Variants in PARD3B observed in about 807,000 individuals in gnomAD.
PARD3B encodes par-3 family cell polarity regulator beta.
In PARD3B, 103 loss-of-function variants were observed where a neutral mutation model predicts 130.2. That is an observed-to-expected ratio of 0.79 (90% CI 0.67 to 0.93). The LOEUF is 0.93. PARD3B is among the 40% of genes least tolerant of loss of function. PARD3B has a pLI of 0.00. For synonymous variants in PARD3B, 583 were observed against 553.2 expected, an observed-to-expected ratio of 1.05 and a Z score of -0.76; for missense variants, 1,609 against 1,499.2, an observed-to-expected ratio of 1.07 and a Z score of -1.21.
chr2:205,619,118 T>C lies in PARD3B; in HGVS notation c.*3305T>C, dbSNP rs920426437. On this transcript the variant is annotated 3_prime_UTR_variant, in exon 23 of 23. Coordinates refer to ENST00000406610, the MANE Select transcript of PARD3B (RefSeq NM_001302769.2). ...ATAGTTTTCCACCAAGTCAATCAAA[T>C]TAAAACATGACTCATTGTCCCCTCC... 1.3e-5 allele frequency: 2 copies of C among 152,084 alleles called. No individual in the cohort carries two copies. Among genetic ancestry groups the C allele is most frequent in the African/African-American group, 4.8e-5 (2 of 41,406 alleles). 9.4% of individuals were successfully genotyped at this position (152,084 alleles called of 1,614,324 possible).
rs554383029 is a variant in PARD3B at position 204,990,844 on chromosome 2, G to T, written c.394+25521G>T. On this transcript the variant is annotated intron_variant, in intron 3 of 22. Transcript: ENST00000406610. The stretch of plus-strand genomic sequence containing the variant: ...CTTTATATAAAAGTTTCATAATTTT[G>T]TCTGTTTAAAAGTTTACTTTACATA... 3.2e-3 allele frequency among the ~76,000 whole-genome samples: 481 copies of T among 152,158 alleles called. 6 individuals carry two copies. Among genetic ancestry groups the T allele is most frequent in the African/African-American group, 0.011 (453 of 41,536 alleles).
intron 19 of PARD3B, among the ~76,000 whole-genome samples, chr2:205,409,886 T>C (rs951808158): frequency 6.6e-6 from 1 of 152,188 alleles, no homozygotes; most frequent in African/African-American, 2.4e-5. Context: ...GTATCTGACC[T>C]GATAAAAATG....
chr2:205,533,711 T>A (rs1454301834), intron 21 of PARD3B, among the ~76,000 whole-genome samples: 1 of 151,934 alleles, frequency 6.6e-6, no homozygotes. Flanking sequence ...TAACATTCAA[T>A]GGTTTTGGGG....
intron 2 of PARD3B, among the ~76,000 whole-genome samples, chr2:204,913,607 CTT>C (rs1406156897): frequency 2.0e-5 from 3 of 152,116 alleles, no homozygotes; most frequent in Non-Finnish European, 2.9e-5. Flanking sequence ...GATGTCATAT[CTT>C]TGCAAAGCTG....
At chr2:205,284,997 T>TG (rs911560840) in intron 16 of PARD3B, among the ~76,000 whole-genome samples, 22 of 151,486 alleles carry the variant, frequency 1.5e-4, no homozygotes, top group South Asian at 6.3e-4. Context: ...AAAACAGTTT[T>TG]TTTTTTTTTT....
At chr2:205,047,387 A>G (rs1187897427) in intron 3 of PARD3B, among the ~76,000 whole-genome samples, 194 bp from the exon 4 acceptor site, 4 of 152,216 alleles carry the variant, frequency 2.6e-5, no homozygotes, top group Non-Finnish European at 4.4e-5. Context: ...GAGTTGAAAG[A>G]TTTTGTTTCC....
chr2:204,928,315 G>A (rs796419729), intron 2 of PARD3B, among the ~76,000 whole-genome samples: 16 of 152,040 alleles, frequency 1.1e-4, no homozygotes, highest in African/African-American at 3.9e-4. Context: ...GTTTAGAATG[G>A]CACAATATCA....
rs144133039 is a variant in PARD3B at position 204,727,032 on chromosome 2, C to G, written c.222+40750C>G. On this transcript the variant is annotated intron_variant, in intron 2 of 22. Coordinates refer to ENST00000406610, the MANE Select transcript of PARD3B (RefSeq NM_001302769.2). Reference sequence around the variant, plus strand: ...CCTGCACGTTCTGCTGTTCACATTTCTGACCTTTGATTCATTGAAACTCTT... The same window carrying G: ...CCTGCACGTTCTGCTGTTCACATTTGTGACCTTTGATTCATTGAAACTCTT... Among the ~76,000 whole-genome samples the G allele has an allele frequency of 9.2e-5, 14 of 152,274 alleles. No homozygotes were observed. The East Asian group carries it at 2.7e-3, about 29-fold the overall frequency.
intron 19 of PARD3B, among the ~76,000 whole-genome samples, chr2:205,431,713 C>T (rs1249249484): frequency 6.6e-6 from 1 of 152,106 alleles, no homozygotes; most frequent in South Asian, 2.1e-4. Context: ...TCGTGATCTG[C>T]CCACCTCGGC....
At chr2:204,957,768 C>A (rs1410279487) in intron 2 of PARD3B, among the ~76,000 whole-genome samples, 1 of 152,120 alleles carries the variant, frequency 6.6e-6, no homozygotes, top group African/African-American at 2.4e-5. Flanking sequence ...TGAAATTCTG[C>A]AGTTTCACTC....
At chr2:204,829,781 C>T (rs1159017755) in intron 2 of PARD3B, among the ~76,000 whole-genome samples, 6 of 151,938 alleles carry the variant, frequency 3.9e-5, no homozygotes, top group Non-Finnish European at 5.9e-5. Flanking sequence ...GGGCGGATCA[C>T]GAGGTCAGGA....
At chr2:204,553,695 T>TATAC (rs1372888110) in intron 1 of PARD3B, among the ~76,000 whole-genome samples, 58 of 90,646 alleles carry the variant, frequency 6.4e-4, no homozygotes, top group African/African-American at 1.6e-3. Context: ...TATATATATA[T>TATAC]ACACACATAT....
chr2:205,317,827 C>T (rs1429611010), intron 18 of PARD3B, among the ~76,000 whole-genome samples: 1 of 152,086 alleles, frequency 6.6e-6, no homozygotes, highest in Non-Finnish European at 1.5e-5. Context: ...GTGAACTTTT[C>T]TGTTATCTGA....
Position 205,380,408 on chromosome 2 carries a change from A to ATATATAAAGAATATATATTATATATT in PARD3B, c.2631-20605_2631-20604insTATATAAAGAATATATATTATATATT, listed in dbSNP as rs1559033255. Among the ~76,000 whole-genome samples the ATATATAAAGAATATATATTATATATT allele has an allele frequency of 4.5e-4, 19 of 41,978 alleles. 3 individuals are homozygous for ATATATAAAGAATATATATTATATATT. Among genetic ancestry groups the ATATATAAAGAATATATATTATATATT allele is most frequent in the African/African-American group, 2.1e-3 (19 of 8,966 alleles). The allele number at this position is 41,978 out of a possible 152,430, so 27.5% of individuals were successfully genotyped here. A position where few individuals can be genotyped will look rare whatever the true frequency, so the allele number is the denominator to read the frequency against. ...TATATAAAGAATATATATTATATAT[A>ATATATAAAGAATATATATTATATATT]ATATATAAAGAATATATATTATATA... On this transcript the variant is annotated intron_variant, in intron 18 of 22. Transcript: ENST00000406610.
intron 16 of PARD3B, among the ~76,000 whole-genome samples, chr2:205,259,742 T>A (rs1423259248): frequency 6.6e-6 from 1 of 152,162 alleles, no homozygotes; most frequent in Non-Finnish European, 1.5e-5. Flanking sequence ...TTTTGATATT[T>A]TTCTGTCTTC....
At chr2:205,114,741 C>T (rs754174774) in intron 6 of PARD3B, among the ~76,000 whole-genome samples, 1 of 122,530 alleles carries the variant, frequency 8.2e-6, no homozygotes, top group East Asian at 2.5e-4. Flanking sequence ...CCTGTAATTG[C>T]GAAGTCATCA....
intron 3 of PARD3B, among the ~76,000 whole-genome samples, chr2:204,983,705 C>T (rs2125218265): frequency 6.6e-6 from 1 of 152,310 alleles, no homozygotes. Flanking sequence ...AGATGCCCTC[C>T]ATATACTTGC....
At chr2:205,264,897 C>G (rs2040446157) in intron 16 of PARD3B, among the ~76,000 whole-genome samples, 1 of 150,858 alleles carries the variant, frequency 6.6e-6, no homozygotes, top group Non-Finnish European at 1.5e-5. Flanking sequence ...TACAGGTTTG[C>G]AAAAAGTGAC....
intron 1 of PARD3B, among the ~76,000 whole-genome samples, chr2:204,656,839 G>A (rs999898815): frequency 2.0e-5 from 3 of 152,132 alleles, no homozygotes; most frequent in Non-Finnish European, 4.4e-5. Flanking sequence ...CTCATGTTGA[G>A]ATTTTAATAA....
Sources: allele counts gnomAD v4.1 joint callset (sites outside exome capture counted in the v4.1 genomes callset), GRCh38; gene constraint gnomAD v4.1.1; transcripts MANE v1.5; gene names NCBI Gene and HGNC (gene_info 2026-07-23, HGNC 2026-07-21).